The following EVX2 variants were observed in gnomAD, a reference collection of about 807,000 sequenced individuals.
EVX2 encodes homeobox even-skipped homolog protein 2.
A neutral mutation model predicts 19.2 loss-of-function variants in EVX2; 10 were observed. The ratio of observed to expected loss-of-function variants is 0.52; its 90% CI spans 0.32 to 0.89. The LOEUF (loss-of-function observed/expected upper bound fraction) is 0.89, where lower values mean the gene tolerates loss of function less well. Ranked by LOEUF, EVX2 falls within the 40% of genes least tolerant of loss-of-function variation. EVX2 has a pLI of 0.03. For synonymous variants in EVX2, 354 were observed against 328.4 expected, an observed-to-expected ratio of 1.08 and a Z score of -0.84; for missense variants, 710 against 694.9, an observed-to-expected ratio of 1.02 and a Z score of -0.24.
In EVX2 at chr2:176,080,903, G is replaced by A. The variant is rs1689138849; in HGVS notation, c.700-65C>T. 1.9e-6 allele frequency: 3 copies of A among 1,541,228 alleles called. No individual in the cohort carries two copies. The highest frequency in any genetic ancestry group is 2.5e-5 in the South Asian group (2 of 80,304). ...CCCCGTGTTCCCAGCTCCTGTCCCA[G>A]GACCTCTGCCCCTTCCGGACCTCTG... On this transcript the variant is annotated intron_variant, in intron 2 of 2. Transcript: ENST00000308618. The surrounding 1 kb of genome is among the most constrained non-coding windows in gnomAD (Gnocchi z 7.0).
chr2:176,080,637 C>T lies in EVX2; in HGVS notation c.901G>A (p.Ala301Thr), dbSNP rs762421442. The T allele has an allele frequency of 3.7e-5, 58 of 1,555,964 alleles. No homozygotes were observed. Among genetic ancestry groups the T allele is most frequent in the Non-Finnish European group, 4.8e-5 (56 of 1,160,130 alleles). ...GAAGCCGCGGCCGCCGCGCCTGAGGCTGCAGCCGCGGCCGCCGCCGCCGTG... is the reference window on the plus strand; with the variant it reads ...GAAGCCGCGGCCGCCGCGCCTGAGGTTGCAGCCGCGGCCGCCGCCGCCGTG... ...GVTAAAAAAAASGAAAAASSP... is the reference protein window; with the variant it reads ...GVTAAAAAAATSGAAAAASSP... The change falls in exon 3 of 3, where the codon GCC becomes ACC. Residue 301 changes from alanine to threonine, a missense_variant. Physicochemically the swap from Ala to Thr is moderately conservative, Grantham distance 58 (BLOSUM62 0). Transcript: ENST00000308618. This position sits in a 1 kb window ranked among gnomAD's most constrained non-coding sequence, Gnocchi z 7.0.
In EVX2 at chr2:176,080,406, C is replaced by A; in HGVS notation, c.1132G>T (p.Ala378Ser). 1 of 1,061,016 alleles carries A rather than the reference C, an allele frequency of 9.4e-7. No individual in the cohort carries two copies. The highest frequency in any genetic ancestry group is 4.2e-5 in the South Asian group (1 of 23,932). The allele number at this position is 1,061,016 out of a possible 1,614,324, so 65.7% of individuals were successfully genotyped here. ...AAASSAAAAG[A>S]PPSGGSAPCS... Reference sequence around the variant, plus strand: ...GGTGCAGAGCCGCCGCTGGGGGGCGCGCCGGCCGCCGCCGCCGAGGAGGCC... The same window carrying A: ...GGTGCAGAGCCGCCGCTGGGGGGCGAGCCGGCCGCCGCCGCCGAGGAGGCC... Residue 378 changes from alanine (A) to serine (S), a missense_variant, in exon 3 of 3, where the codon GCG becomes TCG. By Grantham distance (99) the Ala-to-Ser change is moderately conservative. Transcript: ENST00000308618. This position sits in a 1 kb window ranked among gnomAD's most constrained non-coding sequence, Gnocchi z 7.0.
In EVX2 at chr2:176,083,600, G is replaced by C; in HGVS notation, c.177C>G (p.His59Gln). 1 of 1,614,202 alleles carries C rather than the reference G, an allele frequency of 6.2e-7. No individual in the cohort carries two copies. The highest frequency in any genetic ancestry group is 8.5e-7 in the Non-Finnish European group (1 of 1,180,056). The change falls in exon 1 of 3, where the codon CAC becomes CAG. Residue 59 changes from histidine to glutamine, a missense_variant. By Grantham distance (24) the His-to-Gln change is conservative. Transcript: ENST00000308618. This position sits in a 1 kb window ranked among gnomAD's most constrained non-coding sequence, Gnocchi z 4.4. ...LSPRLPSAPL[H>Q]SALGELPAKG... ...TGGCGGGGAGTTCTCCCAGAGCGCT[G>C]TGCAGGGGGGCAGACGGCAGGCGCG...
chr2:176,081,153 A>G lies in EVX2; in HGVS notation c.700-315T>C, dbSNP rs1232394585. 1.3e-5 allele frequency among the ~76,000 whole-genome samples: 2 copies of G among 151,710 alleles called. No homozygotes were observed. The highest frequency in any genetic ancestry group is 2.9e-5 in the Non-Finnish European group (2 of 67,942). On this transcript the variant is annotated intron_variant, in intron 2 of 2. Transcript: ENST00000308618. This position sits in a 1 kb window ranked among gnomAD's most constrained non-coding sequence, Gnocchi z 5.9. ...TCCAACCTTTCCTCTCCCTCCCGCCACCCACCAGTGCCGGTCTCGCTGAGC... is the reference window on the plus strand; with the variant it reads ...TCCAACCTTTCCTCTCCCTCCCGCCGCCCACCAGTGCCGGTCTCGCTGAGC...
rs1689161035 is a variant in EVX2 at position 176,082,391 on chromosome 2, G to T, written c.486C>A (p.Leu162=). 1.2e-6 allele frequency: 2 copies of T among 1,600,076 alleles called. No homozygotes were observed. Among genetic ancestry groups the T allele is most frequent in the East Asian group, 4.5e-5 (2 of 44,386 alleles). The part of the protein sequence containing the change: ...GTTTSASGSG[L]GSLHGGSGGS... ...CTCCGCTGCCTCCATGCAGGCTTCC[G>T]AGGCCTGAGCCCGACGCCGACGTCG... The change falls in exon 2 of 3, where the codon CTC becomes CTA. Residue 162 remains leucine (L), a synonymous_variant. Coordinates refer to ENST00000308618, the MANE Select transcript of EVX2 (RefSeq NM_001080458.2). This position sits in a 1 kb window ranked among gnomAD's most constrained non-coding sequence, Gnocchi z 5.2.
chr2:176,080,798 C>A lies in EVX2; in HGVS notation c.740G>T (p.Arg247Leu). The change falls in exon 3 of 3, where the codon CGC becomes CTC. Residue 247 changes from arginine (R) to leucine (L), a missense_variant. Transcript: ENST00000308618. This position sits in a 1 kb window ranked among gnomAD's most constrained non-coding sequence, Gnocchi z 7.0. The stretch of plus-strand genomic sequence containing the variant: ...TGGGTGCGGCCAGGACATGGCCAGG[C>A]GCTGCCGCTTGTCCTTCATGCGCCG... ...QNRRMKDKRQ[R>L]LAMSWPHPAD... 1 of 1,612,044 alleles carries A rather than the reference C, an allele frequency of 6.2e-7. No homozygotes were observed. The highest frequency in any genetic ancestry group is 8.5e-7 in the Non-Finnish European group (1 of 1,179,696).
Position 176,080,906 on chromosome 2 carries a change from C to T in EVX2, c.700-68G>A. The T allele has an allele frequency of 2.0e-6, 3 of 1,527,282 alleles. No individual in the cohort carries two copies. Among genetic ancestry groups the T allele is most frequent in the Non-Finnish European group, 1.8e-6 (2 of 1,139,208 alleles). 94.6% of individuals were successfully genotyped at this position (1,527,282 alleles called of 1,614,324 possible). ...CGTGTTCCCAGCTCCTGTCCCAGGA[C>T]CTCTGCCCCTTCCGGACCTCTGAAT... On this transcript the variant is annotated intron_variant, in intron 2 of 2. Coordinates refer to ENST00000308618, the MANE Select transcript of EVX2 (RefSeq NM_001080458.2). The surrounding 1 kb of genome is among the most constrained non-coding windows in gnomAD (Gnocchi z 7.0).
rs1287761484 is a variant in EVX2, at chr2:176,083,261, A to AG, written c.427+88dup. 1 of 1,372,496 alleles carries AG rather than the reference A, an allele frequency of 7.3e-7. No homozygotes were observed. Among genetic ancestry groups the AG allele is most frequent in the African/African-American group, 1.5e-5 (1 of 68,812 alleles). 85.0% of individuals were successfully genotyped at this position (1,372,496 alleles called of 1,614,324 possible). A position where few individuals can be genotyped will look rare whatever the true frequency, so the allele number is the denominator to read the frequency against. ...GTAGCTTGCCTGTGGAGGGTCTGAG[A>AG]GGGGAAAAGGCACCGGGAAAGGCTG... On this transcript the variant is annotated intron_variant, in intron 1 of 2. Transcript: ENST00000308618. The surrounding 1 kb of genome is among the most constrained non-coding windows in gnomAD (Gnocchi z 4.4).
At position 176,078,217 on chromosome 2, in the gene EVX2, C is replaced by T. The variant is rs1340399827; in HGVS notation, c.*1890G>A. On this transcript the variant is annotated 3_prime_UTR_variant, in exon 3 of 3. Transcript: ENST00000308618. ...CTGAAATAAACCACAGAAAATAGTG[C>T]CAATGTGTATGTATACATGAATATG... 3 of 152,026 alleles carry T rather than the reference C, an allele frequency of 2.0e-5. No homozygotes were observed. The highest frequency in any genetic ancestry group is 4.1e-4 in the South Asian group (2 of 4,822). The allele number at this position is 152,026 out of a possible 1,614,324, so 9.4% of individuals were successfully genotyped here. A position where few individuals can be genotyped will look rare whatever the true frequency, so the allele number is the denominator to read the frequency against.
In EVX2 at chr2:176,083,718, G is replaced by A. The variant is rs2105372891; in HGVS notation, c.59C>T (p.Thr20Met). The A allele has an allele frequency of 6.2e-7, 1 of 1,613,808 alleles. No homozygotes were observed. Among genetic ancestry groups the A allele is most frequent in the East Asian group, 2.2e-5 (1 of 44,868 alleles). ...CAAATTGGAGAATCTCTTGCCCGCC[G>A]TAGGGCTGTGCAGCCCTCTCTCCAT... ...ILMERGLHSP[T>M]AGKRFSNLSN... The change falls in exon 1 of 3, where the codon ACG becomes ATG. Residue 20 changes from threonine to methionine, a missense_variant. By Grantham distance (81) the Thr-to-Met change is moderately conservative. Transcript: ENST00000308618. The surrounding 1 kb of genome is among the most constrained non-coding windows in gnomAD (Gnocchi z 4.4).
At position 176,079,207 on chromosome 2, in the gene EVX2, GATCT is replaced by G. The variant is rs1559101922; in HGVS notation, c.*896_*899del. 1 of 152,174 alleles carries G rather than the reference GATCT, an allele frequency of 6.6e-6. No individual in the cohort carries two copies. Among genetic ancestry groups the G allele is most frequent in the African/African-American group, 2.4e-5 (1 of 41,422 alleles). 9.4% of individuals were successfully genotyped at this position (152,174 alleles called of 1,614,324 possible). ...AAAACGCCTCTCCAAATACTACAGC[GATCT>G]ATCAGTCTTACCCCTACCCCAACTC... is the stretch of plus-strand genomic sequence containing the variant. On this transcript the variant is annotated 3_prime_UTR_variant, in exon 3 of 3. Coordinates refer to ENST00000308618, the MANE Select transcript of EVX2 (RefSeq NM_001080458.2). This position sits in a 1 kb window ranked among gnomAD's most constrained non-coding sequence, Gnocchi z 4.4.
rs1689168563 is a variant in EVX2, at chr2:176,082,898, CTT to C, written c.427+450_428-450del. The stretch of plus-strand genomic sequence containing the variant: ...AGGGGGTGAAATATACTTTTCAACT[CTT>C]TCTCCCGCTGACCTAAACAGAGACG... On this transcript the variant is annotated intron_variant, in intron 1 of 2. Coordinates refer to ENST00000308618, the MANE Select transcript of EVX2 (RefSeq NM_001080458.2). This position sits in a 1 kb window ranked among gnomAD's most constrained non-coding sequence, Gnocchi z 5.2. Among the ~76,000 whole-genome samples the C allele has an allele frequency of 1.3e-5, 2 of 152,344 alleles. No individual in the cohort carries two copies. Among genetic ancestry groups the C allele is most frequent in the Middle Eastern group, 6.8e-3 (2 of 294 alleles).
At position 176,079,944 on chromosome 2, in the gene EVX2, C is replaced by T. The variant is rs1689104594; in HGVS notation, c.*163G>A. 7.3e-6 allele frequency: 5 copies of T among 686,776 alleles called. No homozygotes were observed. In the South Asian group the frequency reaches 1.9e-4, roughly 25 times the overall value. The allele number at this position is 686,776 out of a possible 1,614,324, so 42.5% of individuals were successfully genotyped here. ...CGCCAGGCTTTTGCGCCTGCTCCTT[C>T]TCCCCCAATTCGGAGCAGGTTCCCT... On this transcript the variant is annotated 3_prime_UTR_variant, in exon 3 of 3. Coordinates refer to ENST00000308618, the MANE Select transcript of EVX2 (RefSeq NM_001080458.2). This position sits in a 1 kb window ranked among gnomAD's most constrained non-coding sequence, Gnocchi z 4.4.
rs777500581 is a variant in EVX2, at chr2:176,080,919, C to T, written c.700-81G>A. 4.0e-6 allele frequency: 6 copies of T among 1,489,630 alleles called. No individual in the cohort carries two copies. The highest frequency in any genetic ancestry group is 1.4e-5 in the African/African-American group (1 of 71,532). 92.3% of individuals were successfully genotyped at this position (1,489,630 alleles called of 1,614,324 possible). On this transcript the variant is annotated intron_variant, in intron 2 of 2. Coordinates refer to ENST00000308618, the MANE Select transcript of EVX2 (RefSeq NM_001080458.2). The surrounding 1 kb of genome is among the most constrained non-coding windows in gnomAD (Gnocchi z 7.0). ...CCTGTCCCAGGACCTCTGCCCCTTC[C>T]GGACCTCTGAATGGCTTGGTCTACT...
Position 176,078,617 on chromosome 2 carries a change from C to A in EVX2, c.*1490G>T, listed in dbSNP as rs974040299. ...ATGATAAGAACGTGGCTTTCTTCTG[C>A]GAAATCACTTCAGGTAACAGAGATA... On this transcript the variant is annotated 3_prime_UTR_variant, in exon 3 of 3. Transcript: ENST00000308618. The A allele has an allele frequency of 1.3e-5, 2 of 152,172 alleles. No homozygotes were observed. The highest frequency in any genetic ancestry group is 2.9e-5 in the Non-Finnish European group (2 of 68,020). The allele number at this position is 152,172 out of a possible 1,614,324, so 9.4% of individuals were successfully genotyped here.
Position 176,078,221 on chromosome 2 carries a change from T to C in EVX2, c.*1886A>G, listed in dbSNP as rs536571964. 1 of 152,002 alleles carries C rather than the reference T, an allele frequency of 6.6e-6. No individual in the cohort carries two copies. The highest frequency in any genetic ancestry group is 1.9e-4 in the East Asian group (1 of 5,164). 9.4% of individuals were successfully genotyped at this position (152,002 alleles called of 1,614,324 possible). On this transcript the variant is annotated 3_prime_UTR_variant, in exon 3 of 3. Coordinates refer to ENST00000308618, the MANE Select transcript of EVX2 (RefSeq NM_001080458.2). ...AATAAACCACAGAAAATAGTGCCAA[T>C]GTGTATGTATACATGAATATGTGTG...
Position 176,078,355 on chromosome 2 carries a change from T to A in EVX2, c.*1752A>T, listed in dbSNP as rs1417280935. 5 of 152,242 alleles carry A rather than the reference T, an allele frequency of 3.3e-5. No homozygotes were observed. The allele number at this position is 152,242 out of a possible 1,614,324, so 9.4% of individuals were successfully genotyped here. A position where few individuals can be genotyped will look rare whatever the true frequency, so the allele number is the denominator to read the frequency against. Reference sequence around the variant, plus strand: ...TGTAGGTAGCCTACCTACATTTTAATACACGTACACACACATACCCACTTC... The same window carrying A: ...TGTAGGTAGCCTACCTACATTTTAAAACACGTACACACACATACCCACTTC... On this transcript the variant is annotated 3_prime_UTR_variant, in exon 3 of 3. Coordinates refer to ENST00000308618, the MANE Select transcript of EVX2 (RefSeq NM_001080458.2).
chr2:176,082,492 C>T lies in EVX2; in HGVS notation c.428-43G>A. 3.3e-6 allele frequency: 5 copies of T among 1,495,458 alleles called. No individual in the cohort carries two copies. Among genetic ancestry groups the T allele is most frequent in the Non-Finnish European group, 4.4e-6 (5 of 1,125,446 alleles). 92.6% of individuals were successfully genotyped at this position (1,495,458 alleles called of 1,614,324 possible). ...AACAGCGCATGAGTGGCTGTAGGAC[C>T]AACAGCCCGGCGCTGGCGCTGCGCG... On this transcript the variant is annotated intron_variant, in intron 1 of 2. Coordinates refer to ENST00000308618, the MANE Select transcript of EVX2 (RefSeq NM_001080458.2). The surrounding 1 kb of genome is among the most constrained non-coding windows in gnomAD (Gnocchi z 5.2).
Position 176,080,254 on chromosome 2 carries a change from GCCCCCGCCGCCGCCGCCACCACCA to G in EVX2, c.1260_1283del (p.Gly421_Gly428del). On this transcript the variant is annotated inframe_deletion, in exon 3 of 3. Coordinates refer to ENST00000308618, the MANE Select transcript of EVX2 (RefSeq NM_001080458.2). The surrounding 1 kb of genome is among the most constrained non-coding windows in gnomAD (Gnocchi z 7.0). ...AGTCCGAGCCTCCCCCGGCCCCGGC[GCCCCCGCCGCCGCCGCCACCACCA>G]CCACCGCCGCCGCCACCGCCACCCC... 7.5e-7 allele frequency: 1 copy of G among 1,328,340 alleles called. No homozygotes were observed. The allele number at this position is 1,328,340 out of a possible 1,614,324, so 82.3% of individuals were successfully genotyped here. A position where few individuals can be genotyped will look rare whatever the true frequency, so the allele number is the denominator to read the frequency against.
Sources: gnomAD v4.1 joint callset for allele counts (sites outside exome capture counted in the v4.1 genomes callset) on GRCh38, gnomAD v4.1.1 for gene constraint, Gnocchi (gnomAD v3.1) non-coding constraint, MANE v1.5 for transcripts, NCBI Gene and HGNC (gene_info 2026-07-23, HGNC 2026-07-21) for gene names.